JAZF1: variants seen among roughly 807,000 people sequenced by gnomAD.
JAZF1 encodes the protein juxtaposed with another zinc finger protein 1.
In JAZF1, 8 loss-of-function variants were observed where a neutral mutation model predicts 26.4. The ratio of observed to expected loss-of-function variants is 0.30; its 90% CI spans 0.18 to 0.55. The LOEUF is 0.55. JAZF1 is among the 20% of genes least tolerant of loss of function. JAZF1 has a pLI of 0.94. For synonymous variants in JAZF1, 126 were observed against 122.3 expected (o/e 1.03, Z -0.20); for missense variants, 199 against 322.0 (o/e 0.62, Z 2.92).
intron 3 of JAZF1, among the ~76,000 whole-genome samples, chr7:27,863,519 G>A (rs1156829608): frequency 2.0e-5 from 3 of 152,202 alleles, no homozygotes; most frequent in Non-Finnish European, 4.4e-5. Flanking sequence ...CACAACCTCC[G>A]TACCTGGGTA....
intron 1 of JAZF1, among the ~76,000 whole-genome samples, chr7:28,103,166 G>T (rs1179424595): frequency 6.6e-6 from 1 of 151,626 alleles, no homozygotes; most frequent in Admixed American, 6.6e-5. Flanking sequence ...CTCCTTCTTG[G>T]TCTCCTTTAC....
chr7:27,855,205 C>T (rs1019885910), intron 3 of JAZF1, among the ~76,000 whole-genome samples: 15 of 152,038 alleles, frequency 9.9e-5, no homozygotes, highest in Non-Finnish European at 2.2e-4. Flanking sequence ...GTATCAGAAT[C>T]TCTGGCACAC....
chr7:28,080,254 C>G (rs371238717), intron 1 of JAZF1, among the ~76,000 whole-genome samples: 1 of 152,062 alleles, frequency 6.6e-6, no homozygotes, highest in African/African-American at 2.4e-5. Context: ...CCTCACCCAG[C>G]CTTCATAGAA....
At chr7:27,979,051 A>T (rs117436734) in intron 2 of JAZF1, among the ~76,000 whole-genome samples, 2 of 152,320 alleles carry the variant, frequency 1.3e-5, no homozygotes, top group Non-Finnish European at 2.9e-5. Context: ...AGGTTAAATA[A>T]AAATAATTTT....
At chr7:28,049,173 C>T (rs1248987788) in intron 1 of JAZF1, among the ~76,000 whole-genome samples, 1 of 151,098 alleles carries the variant, frequency 6.6e-6, no homozygotes, top group Admixed American at 6.6e-5. Flanking sequence ...ACCTCCGCTT[C>T]CTGGGTTCAA....
At chr7:28,019,240 G>A (rs866409152) in intron 1 of JAZF1, among the ~76,000 whole-genome samples, 12 of 152,130 alleles carry the variant, frequency 7.9e-5, no homozygotes, top group South Asian at 2.1e-4. Flanking sequence ...TGGAACCGGC[G>A]CTGACAAGCC....
chr7:28,122,546 G>A (rs972888468), intron 1 of JAZF1, among the ~76,000 whole-genome samples: 6 of 152,124 alleles, frequency 3.9e-5, no homozygotes, highest in Non-Finnish European at 7.4e-5. Flanking sequence ...GGATTTAAGG[G>A]GTTCTCCAGG....
intron 1 of JAZF1, among the ~76,000 whole-genome samples, chr7:27,997,686 T>A (rs1428339322): frequency 6.6e-6 from 1 of 151,794 alleles, no homozygotes; most frequent in Non-Finnish European, 1.5e-5. Context: ...TCCTGCCTCA[T>A]CCTCCTGAGC....
At chr7:27,994,471 AC>A (rs112453620) in intron 1 of JAZF1, among the ~76,000 whole-genome samples, 108,905 of 148,968 alleles carry the variant, frequency 0.73, 40,241 homozygotes, top group Middle Eastern at 0.88. Flanking sequence ...ACAAAAAAAA[AC>A]ACACACACAC....
chr7:28,134,845 T>C (rs1401842947), intron 1 of JAZF1, among the ~76,000 whole-genome samples: 1 of 152,336 alleles, frequency 6.6e-6, no homozygotes, highest in South Asian at 2.1e-4. Flanking sequence ...TAAGGCTTTA[T>C]GTATACACAT....
At chr7:28,049,009 C>CCTTCCT (rs1583530138) in intron 1 of JAZF1, among the ~76,000 whole-genome samples, 2 of 140,698 alleles carry the variant, frequency 1.4e-5, no homozygotes, top group South Asian at 2.5e-4. Context: ...CCCTTCCTTC[C>CCTTCCT]TCCCTCCCTC....
At chr7:28,035,328 A>AAAAAAAAAAAAAAAAAAAAAAAG (rs1783270651) in intron 1 of JAZF1, among the ~76,000 whole-genome samples, 1 of 143,376 alleles carries the variant, frequency 7.0e-6, no homozygotes, top group Non-Finnish European at 1.5e-5. Context: ...AAAAAAAAAA[A>AAAAAAAAAAAAAAAAAAAAAAAG]AAAAAAAAAA....
chr7:28,108,641 G>A (rs777760275), intron 1 of JAZF1, among the ~76,000 whole-genome samples: 5 of 152,148 alleles, frequency 3.3e-5, no homozygotes, highest in Non-Finnish European at 7.4e-5. Flanking sequence ...AAAACAGTAC[G>A]AAGGTGCCTC....
At chr7:28,150,785 T>C (rs984252512) in intron 1 of JAZF1, among the ~76,000 whole-genome samples, 1 of 152,226 alleles carries the variant, frequency 6.6e-6, no homozygotes, top group Non-Finnish European at 1.5e-5. Context: ...AGGCCCATGC[T>C]GATGGCCTGA....
At chr7:27,887,516 A>G (rs976558227) in intron 3 of JAZF1, among the ~76,000 whole-genome samples, 4 of 152,132 alleles carry the variant, frequency 2.6e-5, no homozygotes, top group African/African-American at 7.2e-5. Flanking sequence ...CCCAGGTCCA[A>G]CTGATTCTCA....
chr7:27,974,270 G>A (rs767638997), intron 2 of JAZF1, among the ~76,000 whole-genome samples: 3 of 152,122 alleles, frequency 2.0e-5, no homozygotes, highest in African/African-American at 4.8e-5. Context: ...CAAGGTCAAG[G>A]CACGGAACAA....
intron 3 of JAZF1, among the ~76,000 whole-genome samples, chr7:27,856,750 A>G (rs1053555863): frequency 5.9e-5 from 9 of 152,096 alleles, no homozygotes; most frequent in Admixed American, 6.5e-5. Context: ...CTAGATACAG[A>G]GTGCCAATTG....
At chr7:28,040,675 A>C (rs542497937) in intron 1 of JAZF1, among the ~76,000 whole-genome samples, 2 of 152,088 alleles carry the variant, frequency 1.3e-5, no homozygotes, top group Non-Finnish European at 2.9e-5. Flanking sequence ...TGGGATCAAG[A>C]GTTGTATTTT....
At position 28,017,483 on chromosome 7, in the gene JAZF1, C is replaced by T. The variant is rs1410501937; in HGVS notation, c.116-25502G>A. 5.3e-5 allele frequency among the ~76,000 whole-genome samples: 8 copies of T among 152,260 alleles called. No individual in the cohort carries two copies. In the South Asian group the frequency reaches 6.2e-4, roughly 12 times the overall value. ...AGCATAGGATTGTACATACTGTCGC[C>T]GTTCAACCAATTCTGTTGAACAAAA... On this transcript the variant is annotated intron_variant, in intron 1 of 4. Transcript: ENST00000283928.
Sources: gnomAD v4.1 joint callset for allele counts (sites outside exome capture counted in the v4.1 genomes callset) on GRCh38, gnomAD v4.1.1 for gene constraint, MANE v1.5 for transcripts, NCBI Gene and HGNC (gene_info 2026-07-23, HGNC 2026-07-21) for gene names.